DAB2IP: variants seen among roughly 807,000 people sequenced by gnomAD.
DAB2IP encodes DAB2 interacting protein.
Under a neutral mutation model 107.2 loss-of-function variants are expected in DAB2IP, and 28 were observed. That is an observed-to-expected ratio of 0.26 (90% confidence interval 0.19 to 0.36). The LOEUF (loss-of-function observed/expected upper bound fraction) is 0.36, where lower values mean the gene tolerates loss of function less well. DAB2IP is among the 10% of genes least tolerant of loss of function. The pLI is 1.00. For synonymous variants in DAB2IP, 755 were observed against 706.4 expected (o/e 1.07, Z -1.09); for missense variants, 1,400 against 1,644.7 (o/e 0.85, Z 2.57).
intron 1 of DAB2IP, among the ~76,000 whole-genome samples, chr9:121,606,307 T>A (rs1039850319): frequency 5.9e-5 from 9 of 152,320 alleles, no homozygotes; most frequent in Middle Eastern, 3.4e-3. Context: ...GAGGTTGCAG[T>A]GACCTGAGAT....
At chr9:121,732,955 G>A (rs1456030036) in intron 3 of DAB2IP, among the ~76,000 whole-genome samples, 1 of 152,232 alleles carries the variant, frequency 6.6e-6, no homozygotes, top group Non-Finnish European at 1.5e-5. Context: ...AGCCACACAA[G>A]TATAGATGTA....
chr9:121,597,548 G>C (rs1830556263), intron 1 of DAB2IP, among the ~76,000 whole-genome samples: 1 of 152,178 alleles, frequency 6.6e-6, no homozygotes, highest in Non-Finnish European at 1.5e-5. Flanking sequence ...TCGAATTAGA[G>C]GAGTGCTAGT....
At chr9:121,768,664 CA>C (rs769758731) in intron 10 of DAB2IP, 31 bp downstream of exon 10, 7 of 1,610,298 alleles carry the variant, frequency 4.3e-6, no homozygotes, top group Non-Finnish European at 4.2e-6. Context: ...GAGGTGGGGC[CA>C]AAAGCTGCCA....
intron 1 of DAB2IP, among the ~76,000 whole-genome samples, chr9:121,589,634 C>T (rs1393087811): frequency 6.6e-6 from 1 of 152,106 alleles, no homozygotes; most frequent in Non-Finnish European, 1.5e-5. Flanking sequence ...CTGTCTCTTC[C>T]CCCTGCATCT....
chr9:121,588,762 G>C (rs556339056), intron 1 of DAB2IP, among the ~76,000 whole-genome samples: 45 of 152,086 alleles, frequency 3.0e-4, no homozygotes, highest in Admixed American at 1.3e-3. Flanking sequence ...CCTGAGCTGT[G>C]CCAAACTTTT....
At chr9:121,761,510 C>T (rs150763744) in intron 6 of DAB2IP, among the ~76,000 whole-genome samples, 3 of 152,336 alleles carry the variant, frequency 2.0e-5, no homozygotes, top group Non-Finnish European at 4.4e-5. Context: ...AGGTCCCTCA[C>T]CCTCTCACCT....
intron 1 of DAB2IP, among the ~76,000 whole-genome samples, chr9:121,641,786 GCCT>G (rs1253021452): frequency 6.6e-6 from 1 of 151,810 alleles, no homozygotes; most frequent in East Asian, 1.9e-4. Context: ...CTGCCTGCCT[GCCT>G]GCCTGCCTAC....
intron 1 of DAB2IP, among the ~76,000 whole-genome samples, chr9:121,621,287 A>G (rs897461198): frequency 5.9e-5 from 9 of 151,996 alleles, no homozygotes; most frequent in Admixed American, 3.3e-4. Flanking sequence ...AGGTATAATC[A>G]AGTCCCTGCT....
At chr9:121,657,444 G>C (rs1833013286) in intron 1 of DAB2IP, among the ~76,000 whole-genome samples, 1 of 152,276 alleles carries the variant, frequency 6.6e-6, no homozygotes, top group South Asian at 2.1e-4. Context: ...TGTGTGCCCG[G>C]CCCCATGCCA....
chr9:121,600,079 C>A (rs1030043978), intron 1 of DAB2IP, among the ~76,000 whole-genome samples: 6 of 151,624 alleles, frequency 4.0e-5, no homozygotes, highest in Admixed American at 3.3e-4. Flanking sequence ...AGGAAGGCGC[C>A]CCCAGCTGGG....
chr9:121,600,057 C>T (rs1361263606), intron 1 of DAB2IP, among the ~76,000 whole-genome samples: 1 of 152,092 alleles, frequency 6.6e-6, no homozygotes, highest in East Asian at 1.9e-4. Flanking sequence ...GAGTACAATA[C>T]AGGGGATCGC....
chr9:121,640,996 T>C (rs1448283269), intron 1 of DAB2IP, among the ~76,000 whole-genome samples: 1 of 152,232 alleles, frequency 6.6e-6, no homozygotes, highest in Non-Finnish European at 1.5e-5. Flanking sequence ...GGGTGGGTCC[T>C]GGGCCATCCC....
At chr9:121,587,386 T>C (rs1268453071) in intron 1 of DAB2IP, among the ~76,000 whole-genome samples, 3 of 152,094 alleles carry the variant, frequency 2.0e-5, no homozygotes, top group Non-Finnish European at 2.9e-5. Flanking sequence ...GGCGGGCAGA[T>C]TGCTTGAGCC....
rs767607411 is a variant in DAB2IP, at chr9:121,772,709, G to A, written c.2181G>A (p.Ser727=). 21 of 1,613,830 alleles carry A rather than the reference G, an allele frequency of 1.3e-5. No individual in the cohort carries two copies. The highest frequency in any genetic ancestry group is 2.2e-5 in the East Asian group (1 of 44,898). The change falls in exon 12 of 16, where the codon TCG becomes TCA. Residue 727 remains serine, a synonymous_variant. Coordinates refer to ENST00000408936, the Ensembl canonical transcript of DAB2IP. This position sits in a 1 kb window ranked among gnomAD's most constrained non-coding sequence, Gnocchi z 4.7. ...TCCAGCCCTCACCTGCCCGCAGCTC[G>A]AGTTACTCGGAAGCCAACGAGCCTG...
At chr9:121,682,063 G>T (rs932792850) in intron 2 of DAB2IP, among the ~76,000 whole-genome samples, 1 of 152,204 alleles carries the variant, frequency 6.6e-6, no homozygotes, top group African/African-American at 2.4e-5. Flanking sequence ...AGGTGTTTGG[G>T]GGAAGGTCAG....
At chr9:121,689,974 GC>G (rs1481383586) in intron 2 of DAB2IP, among the ~76,000 whole-genome samples, 1 of 152,222 alleles carries the variant, frequency 6.6e-6, no homozygotes, top group African/African-American at 2.4e-5. Context: ...ACCCAGCTCT[GC>G]CGCTTCCTGA....
exon 2 of DAB2IP, chr9:121,678,721 C>A (rs748237680): frequency 6.3e-7 from 1 of 1,597,444 alleles, no homozygotes; most frequent in African/African-American, 1.3e-5. Flanking sequence ...GCCTGCCTGG[C>A]AGCCTTTCCG....
intron 9 of DAB2IP, among the ~76,000 whole-genome samples, chr9:121,767,845 TA>T (rs1834395702): frequency 1.3e-5 from 2 of 151,992 alleles, no homozygotes; most frequent in South Asian, 4.2e-4. Flanking sequence ...GGGACAAGGT[TA>T]GGGGTGATTA....
At chr9:121,679,040 G>A (rs116943824) in intron 2 of DAB2IP, among the ~76,000 whole-genome samples, 2 of 152,302 alleles carry the variant, frequency 1.3e-5, no homozygotes, top group East Asian at 1.9e-4. Flanking sequence ...AGGCTATGGG[G>A]CCCAGCGCTG....
Sources: gnomAD v4.1 joint callset for allele counts (sites outside exome capture counted in the v4.1 genomes callset) on GRCh38, gnomAD v4.1.1 for gene constraint, Gnocchi (gnomAD v3.1) non-coding constraint, MANE v1.5 for transcripts, NCBI Gene and HGNC (gene_info 2026-07-23, HGNC 2026-07-21) for gene names.